The following PNISR variants were observed in gnomAD, a reference collection of about 807,000 sequenced individuals.
PNISR encodes arginine/serine-rich protein PNISR.
Under a neutral mutation model 93.4 loss-of-function variants are expected in PNISR, and 20 were observed. That is an observed-to-expected ratio of 0.21 (90% CI 0.15 to 0.31). PNISR has a LOEUF of 0.31. Ranked by LOEUF, PNISR falls within the 10% of genes least tolerant of loss-of-function variation. The probability of loss-of-function intolerance (pLI) is 1.00; values close to 1 mark genes in which losing one functional copy is unlikely to be tolerated. For synonymous variants in PNISR, 305 were observed against 306.5 expected (o/e 0.99, Z 0.05); for missense variants, 893 against 985.4 (o/e 0.91, Z 1.25).
rs534081992 is a variant in PNISR, at chr6:99,412,381, A to T, written c.277+170T>A. 5 of 702,372 alleles carry T rather than the reference A, an allele frequency of 7.1e-6. No individual in the cohort carries two copies. The South Asian group carries it at 7.5e-5, about 11-fold the overall frequency. The allele number at this position is 702,372 out of a possible 1,614,324, so 43.5% of individuals were successfully genotyped here. A position where few individuals can be genotyped will look rare whatever the true frequency, so the allele number is the denominator to read the frequency against. On this transcript the variant is annotated intron_variant, in intron 4 of 11. Coordinates refer to ENST00000369239, the MANE Select transcript of PNISR (RefSeq NM_032870.4). ...GCCACAAAGCTAGCAGAATGAGTACAGAATAATTTTAACCACAAAATGTCA... is the reference window on the plus strand; with the variant it reads ...GCCACAAAGCTAGCAGAATGAGTACTGAATAATTTTAACCACAAAATGTCA...
intron 7 of PNISR, among the ~76,000 whole-genome samples, chr6:99,407,831 T>G (rs61175867): frequency 1.1e-3 from 173 of 152,374 alleles, no homozygotes; most frequent in African/African-American, 4.1e-3. Context: ...CCACAATGAA[T>G]GAATACAGAT....
In PNISR at chr6:99,398,693, T is replaced by C. The variant is rs893815026; in HGVS notation, c.*1847A>G. The C allele has an allele frequency of 2.6e-5, 4 of 152,124 alleles. No individual in the cohort carries two copies. Among genetic ancestry groups the C allele is most frequent in the Non-Finnish European group, 4.4e-5 (3 of 67,942 alleles). The allele number at this position is 152,124 out of a possible 1,614,324, so 9.4% of individuals were successfully genotyped here. A position where few individuals can be genotyped will look rare whatever the true frequency, so the allele number is the denominator to read the frequency against. ...GAATTTTATTTTGAAAATATTTCAC[T>C]TCAAGATTGATCTAAAAAACATTTT... On this transcript the variant is annotated 3_prime_UTR_variant, in exon 12 of 12. Transcript: ENST00000369239.
At chr6:99,404,893 C>T (rs1234831307) in intron 8 of PNISR, among the ~76,000 whole-genome samples, 191 bp from the exon 9 acceptor site, 2 of 152,004 alleles carry the variant, frequency 1.3e-5, no homozygotes, top group Non-Finnish European at 2.9e-5. Flanking sequence ...ATTCTCTTGC[C>T]TCAGTCTCCC....
intron 1 of PNISR, among the ~76,000 whole-genome samples, chr6:99,423,595 A>T (rs532612929): frequency 1.3e-5 from 2 of 152,326 alleles, no homozygotes; most frequent in African/African-American, 4.8e-5. Context: ...ATGTGTTGAA[A>T]AGGGCATCTT....
chr6:99,423,164 A>G (rs1422016628), intron 1 of PNISR, among the ~76,000 whole-genome samples: 1 of 152,138 alleles, frequency 6.6e-6, no homozygotes, highest in East Asian at 1.9e-4. Flanking sequence ...AAAAATTGAT[A>G]GGAACATGTC....
chr6:99,405,966 T>C, intron 8 of PNISR, 65 bp downstream of exon 8: 2 of 1,143,742 alleles, frequency 1.7e-6, no homozygotes, highest in East Asian at 2.5e-5. Context: ...TCCTCTAATA[T>C]TGTCTCCAAA....
At chr6:99,404,083 T>G in intron 9 of PNISR, 1 of 536,028 alleles carries the variant, frequency 1.9e-6, no homozygotes. Context: ...GAAATTGGTT[T>G]ATAATGAGAA....
intron 4 of PNISR, 74 bp from the exon 5 acceptor site, chr6:99,411,038 AG>A: frequency 1.8e-6 from 2 of 1,141,390 alleles, no homozygotes; most frequent in Non-Finnish European, 2.6e-6. Context: ...TAAGATCTCA[AG>A]AAAGATTTTT....
Position 99,402,641 on chromosome 6 carries a change from T to G in PNISR, c.1226A>C (p.Asp409Ala). 1 of 1,612,970 alleles carries G rather than the reference T, an allele frequency of 6.2e-7. No homozygotes were observed. The highest frequency in any genetic ancestry group is 8.5e-7 in the Non-Finnish European group (1 of 1,179,034). The change falls in exon 11 of 12, where the codon GAC (aspartate) becomes GCC (alanine). Residue 409 changes from aspartate to alanine, a missense_variant. Coordinates refer to ENST00000369239, the MANE Select transcript of PNISR (RefSeq NM_032870.4). ...ERSDRGSESS[D>A]TDDEELRHRI... Reference sequence around the variant, plus strand: ...ATGCCGTAATTCTTCATCATCAGTGTCAGATGACTCAGATCCTCTGTCACT... The same window carrying G: ...ATGCCGTAATTCTTCATCATCAGTGGCAGATGACTCAGATCCTCTGTCACT...
At position 99,400,866 on chromosome 6, in the gene PNISR, C is replaced by T; in HGVS notation, c.2092G>A (p.Glu698Lys). 2 of 1,596,694 alleles carry T rather than the reference C, an allele frequency of 1.3e-6. No individual in the cohort carries two copies. Among genetic ancestry groups the T allele is most frequent in the Non-Finnish European group, 1.7e-6 (2 of 1,169,530 alleles). Reference protein sequence around the residue: ...QDKRKEKQKREEKDFKFSSQD... With the variant: ...QDKRKEKQKRKEKDFKFSSQD... ...CTACTGAACTTAAAATCTTTTTCTT[C>T]CCTTTTTTGTTTCTCTTTTCTTTTA... The change falls in exon 12 of 12, where the codon GAA becomes AAA. Residue 698 changes from glutamate (E) to lysine (K), a missense_variant. Transcript: ENST00000369239.
At chr6:99,421,759 G>C (rs564450604) in intron 1 of PNISR, among the ~76,000 whole-genome samples, 102 of 152,266 alleles carry the variant, frequency 6.7e-4, no homozygotes, top group African/African-American at 2.3e-3. Context: ...AATATCCCTA[G>C]AAAACTAATA....
intron 8 of PNISR, 115 bp from the exon 9 acceptor site, chr6:99,404,817 T>A (rs1401529258): frequency 3.9e-5 from 23 of 591,986 alleles, no homozygotes; most frequent in Non-Finnish European, 6.6e-5. Flanking sequence ...CTCACTCTGT[T>A]GCCCAGGCTG....
intron 8 of PNISR, among the ~76,000 whole-genome samples, chr6:99,405,634 G>C (rs963953399): frequency 2.6e-5 from 4 of 151,840 alleles, no homozygotes; most frequent in Admixed American, 1.3e-4. Context: ...GCACCACCTC[G>C]GCTCACTGCA....
Position 99,404,681 on chromosome 6 carries a change from G to A in PNISR, c.1024C>T (p.Leu342=), listed in dbSNP as rs1775922710. The A allele has an allele frequency of 6.3e-7, 1 of 1,595,558 alleles. No individual in the cohort carries two copies. ...GTGACATCCAGCAGAATTTCTGTTA[G>A]AAGCATTTTTGTCAGCAACATCTAA... ...YQMMLLTKML[L]TEILLDVTDE... Residue 342 remains leucine, a synonymous_variant, in exon 9 of 12, where the codon CTA becomes TTA. Coordinates refer to ENST00000369239, the MANE Select transcript of PNISR (RefSeq NM_032870.4).
rs1017886146 is a variant in PNISR at position 99,401,039 on chromosome 6, C to T, written c.1919G>A (p.Arg640His). 9 of 1,613,452 alleles carry T rather than the reference C, an allele frequency of 5.6e-6. No homozygotes were observed. In the Admixed American group the frequency reaches 6.7e-5, roughly 12 times the overall value. ...ATTTCCACGTTGATCATCAATTTTACGCCTATCTCGACTCCTACTGCGACT... is the reference window on the plus strand; with the variant it reads ...ATTTCCACGTTGATCATCAATTTTATGCCTATCTCGACTCCTACTGCGACT... ...RASRSRSRDRRKIDDQRGNLS... is the reference protein window; with the variant it reads ...RASRSRSRDRHKIDDQRGNLS... Residue 640 changes from arginine to histidine, a missense_variant, in exon 12 of 12, where the codon CGT becomes CAT. Coordinates refer to ENST00000369239, the MANE Select transcript of PNISR (RefSeq NM_032870.4).
rs773042260 is a variant in PNISR, at chr6:99,400,717, A to G, written c.2241T>C (p.Asp747=). 6.2e-6 allele frequency: 10 copies of G among 1,612,928 alleles called. No homozygotes were observed. The South Asian group carries it at 9.9e-5, about 16-fold the overall frequency. The part of the protein sequence containing the change: ...RQDSKKSTTK[D]SKKHSGSDSS... ...AATCAGAGCCTGAATGTTTTTTACTATCTTTGGTAGTACTTTTCTTACTAT... is the reference window on the plus strand; with the variant it reads ...AATCAGAGCCTGAATGTTTTTTACTGTCTTTGGTAGTACTTTTCTTACTAT... Residue 747 remains aspartate, a synonymous_variant, in exon 12 of 12, where the codon GAT becomes GAC. Coordinates refer to ENST00000369239, the MANE Select transcript of PNISR (RefSeq NM_032870.4).
At chr6:99,404,839 C>T (rs1775950658) in intron 8 of PNISR, 137 bp from the exon 9 acceptor site, 5 of 557,314 alleles carry the variant, frequency 9.0e-6, no homozygotes, top group Non-Finnish European at 9.6e-6. Flanking sequence ...ATCATACTGG[C>T]GTGATATTGG....
chr6:99,407,671 T>A (rs960417612), intron 7 of PNISR, among the ~76,000 whole-genome samples: 1 of 152,246 alleles, frequency 6.6e-6, no homozygotes, highest in African/African-American at 2.4e-5. Context: ...CTTAAAATGT[T>A]GTTATACTTC....
chr6:99,410,554 GAAATA>G (rs1776780490), intron 5 of PNISR, 182 bp downstream of exon 5: 2 of 531,846 alleles, frequency 3.8e-6, no homozygotes, highest in South Asian at 6.5e-5. Context: ...TTTTCCTAAT[GAAATA>G]AAAAAATCAG....
Sources: gnomAD v4.1 joint callset for allele counts (sites outside exome capture counted in the v4.1 genomes callset) on GRCh38, gnomAD v4.1.1 for gene constraint, MANE v1.5 for transcripts, NCBI Gene and HGNC (gene_info 2026-07-23, HGNC 2026-07-21) for gene names.